Variants in C12orf50 observed in about 807,000 individuals in gnomAD.
The protein encoded by C12orf50 is zinc finger CCCH-type containing 11D.
C12orf50 carries 35 observed loss-of-function variants against 61.6 expected under a neutral mutation model. The observed-to-expected ratio is 0.57, with a 90% CI of 0.43 to 0.75. The LOEUF (loss-of-function observed/expected upper bound fraction) is 0.75. Among genes scored for constraint, C12orf50 ranks in the 30% least tolerant of loss-of-function variants. C12orf50 has a pLI of 0.00. For missense variants in C12orf50, 475 were observed against 488.5 expected, an observed-to-expected ratio of 0.97 and a Z score of 0.26; for synonymous variants, 178 against 161.5, an observed-to-expected ratio of 1.10 and a Z score of -0.77.
intron 4 of C12orf50, among the ~76,000 whole-genome samples, chr12:87,997,001 C>T (rs1252055239): frequency 1.3e-5 from 2 of 152,168 alleles, no homozygotes; most frequent in Non-Finnish European, 2.9e-5. Context: ...CTCCTAAGCA[C>T]AGAAACTATG....
intron 7 of C12orf50, among the ~76,000 whole-genome samples, chr12:87,993,289 C>T (rs958523821): frequency 5.3e-5 from 8 of 151,980 alleles, no homozygotes; most frequent in Admixed American, 2.6e-4. Context: ...TAAAAATAAC[C>T]TTTTATTAAC....
chr12:88,029,195 C>T, intron 1 of C12orf50, 145 bp downstream of exon 1: 2 of 890,014 alleles, frequency 2.2e-6, no homozygotes, highest in South Asian at 1.5e-5. Flanking sequence ...AATGCAAATA[C>T]AAGAACTATC....
In C12orf50 at chr12:88,013,345, G is replaced by A. The variant is rs536458390; in HGVS notation, c.133+13143C>T. ...ATCAGACAGCAGTTTAAACAAGATTGTCAGGTGATTCCTATACGTACTAAA... is the reference window on the plus strand; with the variant it reads ...ATCAGACAGCAGTTTAAACAAGATTATCAGGTGATTCCTATACGTACTAAA... On this transcript the variant is annotated intron_variant, in intron 3 of 12. Transcript: ENST00000298699. 3.3e-5 allele frequency among the ~76,000 whole-genome samples: 5 copies of A among 152,264 alleles called. No homozygotes were observed. The South Asian group carries it at 6.2e-4, about 19-fold the overall frequency.
intron 9 of C12orf50, among the ~76,000 whole-genome samples, chr12:87,987,550 A>G (rs2030887710): frequency 6.6e-6 from 1 of 152,288 alleles, no homozygotes; most frequent in Non-Finnish European, 1.5e-5. Context: ...CTGCCAATGT[A>G]TTATTCCACT....
At chr12:88,016,417 T>C (rs976363567) in intron 3 of C12orf50, among the ~76,000 whole-genome samples, 5 of 152,190 alleles carry the variant, frequency 3.3e-5, no homozygotes, top group Non-Finnish European at 7.3e-5. Flanking sequence ...ATTATGGGCA[T>C]TGGTAGATAG....
intron 3 of C12orf50, among the ~76,000 whole-genome samples, chr12:88,002,520 T>C (rs1214030677): frequency 6.6e-6 from 1 of 151,802 alleles, no homozygotes; most frequent in Non-Finnish European, 1.5e-5. Context: ...TGTTCGAGTC[T>C]TTTATTTTCT....
chr12:87,982,267 A>T (rs1274723859), intron 12 of C12orf50, among the ~76,000 whole-genome samples: 1 of 152,132 alleles, frequency 6.6e-6, no homozygotes, highest in African/African-American at 2.4e-5. Context: ...AGTTAAAAGA[A>T]AGTATGATCA....
intron 3 of C12orf50, among the ~76,000 whole-genome samples, chr12:88,023,901 A>G (rs2032610048): frequency 1.3e-5 from 2 of 152,196 alleles, no homozygotes; most frequent in Non-Finnish European, 2.9e-5. Flanking sequence ...TATCCAACAA[A>G]GGTCTAATAT....
intron 3 of C12orf50, among the ~76,000 whole-genome samples, chr12:88,016,341 C>A (rs548227418): frequency 5.2e-4 from 79 of 152,216 alleles, no homozygotes; most frequent in Non-Finnish European, 1.0e-3. Flanking sequence ...TAGATATTCA[C>A]AAAGGTATTA....
intron 2 of C12orf50, 151 bp from the exon 3 acceptor site, chr12:88,026,759 C>A: frequency 1.5e-6 from 2 of 1,321,298 alleles, no homozygotes; most frequent in Non-Finnish European, 2.0e-6. Flanking sequence ...TGTTTCTAAG[C>A]CCTGCTATTC....
chr12:88,012,274 A>C (rs1157802491), intron 3 of C12orf50, among the ~76,000 whole-genome samples: 1 of 152,214 alleles, frequency 6.6e-6, no homozygotes, highest in Non-Finnish European at 1.5e-5. Flanking sequence ...AAACAAATTC[A>C]GTTTTTTTTA....
At position 88,026,553 on chromosome 12, in the gene C12orf50, A is replaced by T; in HGVS notation, c.68T>A (p.Ile23Asn). The T allele has an allele frequency of 6.2e-7, 1 of 1,613,968 alleles. No individual in the cohort carries two copies. Among genetic ancestry groups the T allele is most frequent in the Non-Finnish European group, 8.5e-7 (1 of 1,179,996 alleles). The change falls in exon 3 of 13, where the codon ATC (isoleucine) becomes AAC (asparagine). Residue 23 changes from isoleucine to asparagine, a missense_variant. Ile to Asn is a moderately radical substitution (Grantham distance 149). Coordinates refer to ENST00000298699, the MANE Select transcript of C12orf50 (RefSeq NM_152589.3). ...TTTGCTGTGATAAAAGATACAGCTG[A>T]TCTTCACACAACCAAGAGGCTGAGT... The part of the protein sequence containing the change: ...WETQPLGCVK[I>N]SCIFYHSKPR...
At chr12:87,995,004 T>C (rs1044126264) in intron 6 of C12orf50, among the ~76,000 whole-genome samples, 2 of 152,174 alleles carry the variant, frequency 1.3e-5, no homozygotes, top group African/African-American at 2.4e-5. Flanking sequence ...CACTATTGTA[T>C]ATACATAATA....
At chr12:87,993,738 C>A (rs2136423341) in intron 7 of C12orf50, among the ~76,000 whole-genome samples, 1 of 152,242 alleles carries the variant, frequency 6.6e-6, no homozygotes, top group Admixed American at 6.5e-5. Context: ...TTTCAACCTC[C>A]CCACAAAATC....
At chr12:88,015,596 C>G (rs532731277) in intron 3 of C12orf50, among the ~76,000 whole-genome samples, 22 of 152,262 alleles carry the variant, frequency 1.4e-4, no homozygotes, top group African/African-American at 5.3e-4. Context: ...ACAAGTTTGT[C>G]TAAGAGATTA....
chr12:88,006,042 T>C (rs1029497032), intron 3 of C12orf50, among the ~76,000 whole-genome samples: 1 of 148,736 alleles, frequency 6.7e-6, no homozygotes, highest in Non-Finnish European at 1.5e-5. Flanking sequence ...TCAGCCTCCC[T>C]AGTAGTTGGG....
intron 7 of C12orf50, 86 bp from the exon 8 acceptor site, chr12:87,989,457 C>T (rs1592649656): frequency 1.1e-6 from 1 of 871,074 alleles, no homozygotes; most frequent in Non-Finnish European, 1.9e-6. Context: ...TCTACAATAC[C>T]CCTTTTGTTC....
At chr12:87,997,780 A>G (rs1469216731) in intron 4 of C12orf50, among the ~76,000 whole-genome samples, 1 of 152,196 alleles carries the variant, frequency 6.6e-6, no homozygotes, top group Admixed American at 6.5e-5. Flanking sequence ...CATGGTGTAT[A>G]TGAAGCACCT....
intron 7 of C12orf50, among the ~76,000 whole-genome samples, chr12:87,993,621 G>A (rs2031239037): frequency 6.6e-6 from 1 of 152,102 alleles, no homozygotes; most frequent in Non-Finnish European, 1.5e-5. Flanking sequence ...CTGACACCAG[G>A]ACAGCAGAAA....
Sources: gnomAD v4.1 joint callset for allele counts (sites outside exome capture counted in the v4.1 genomes callset) on GRCh38, gnomAD v4.1.1 for gene constraint, MANE v1.5 for transcripts, NCBI Gene and HGNC (gene_info 2026-07-23, HGNC 2026-07-21) for gene names.